MYBL2: variants seen among roughly 807,000 people sequenced by gnomAD.
MYBL2 encodes myb-related protein B.
A neutral mutation model predicts 79.9 loss-of-function variants in MYBL2; 28 were observed. The observed-to-expected ratio is 0.35, with a 90% CI of 0.26 to 0.48. The LOEUF is 0.48. Among genes scored for constraint, MYBL2 ranks in the 20% least tolerant of loss-of-function variants. The probability of loss-of-function intolerance (pLI) is 0.99; values close to 1 mark genes in which losing one functional copy is unlikely to be tolerated. For missense variants in MYBL2, 735 were observed against 893.9 expected (o/e 0.82, Z 2.27); for synonymous variants, 378 against 361.2 (o/e 1.05, Z -0.53).
At chr20:43,685,079 G>A (rs555350803) in intron 4 of MYBL2, among the ~76,000 whole-genome samples, 2 of 151,148 alleles carry the variant, frequency 1.3e-5, no homozygotes, top group South Asian at 2.1e-4. Context: ...GTGGGGAGGC[G>A]GAGGTTGCAG....
chr20:43,700,299 G>A (rs1465745619), intron 7 of MYBL2, among the ~76,000 whole-genome samples: 2 of 152,170 alleles, frequency 1.3e-5, no homozygotes, highest in Non-Finnish European at 2.9e-5. Context: ...ACAGGGCGGG[G>A]TGGGAAGGCT....
At chr20:43,715,375 C>A in intron 13 of MYBL2, 92 bp downstream of exon 13, 2 of 1,573,048 alleles carry the variant, frequency 1.3e-6, no homozygotes, top group Non-Finnish European at 1.7e-6. Flanking sequence ...CCTGCAGTGC[C>A]CGCCTTCTTA....
intron 6 of MYBL2, among the ~76,000 whole-genome samples, chr20:43,696,243 CT>C (rs111933419): frequency 0.018 from 2,623 of 144,596 alleles, 73 homozygotes; most frequent in African/African-American, 0.059. Flanking sequence ...CTCATCTCAA[CT>C]TTTTTTTTTT....
At chr20:43,688,741 C>A (rs111323900) in intron 5 of MYBL2, among the ~76,000 whole-genome samples, 7 of 152,306 alleles carry the variant, frequency 4.6e-5, no homozygotes, top group African/African-American at 1.7e-4. Flanking sequence ...CCACACCTGG[C>A]CTGGCACCCT....
rs555778974 is a variant in MYBL2, at chr20:43,715,270, C to T, written c.1961C>T (p.Thr654Met). 4.3e-5 allele frequency: 70 copies of T among 1,614,218 alleles called. 2 individuals are homozygous for T. In the South Asian group the frequency reaches 5.2e-4, roughly 12 times the overall value. ...AVAQKPRSHF[T>M]TPAPMSSAWK... ...GCCCAGAAGCCCCGAAGCCACTTCA[C>T]GACACCTGCCCCTGTGAGTGCTGTG... Residue 654 changes from threonine to methionine, a missense_variant, in exon 13 of 14, where the codon ACG (threonine) becomes ATG (methionine). This residue lies in a region of MYBL2 where 204 missense variants were observed against 202.9 expected (regional missense o/e 1.01). Transcript: ENST00000217026.
At chr20:43,679,912 CA>C (rs3092365) in intron 2 of MYBL2, among the ~76,000 whole-genome samples, 116,199 of 144,292 alleles carry the variant, frequency 0.81, 46,957 homozygotes, top group Non-Finnish European at 0.87. Context: ...GACCCTATCT[CA>C]AAAAAAAAAA....
intron 3 of MYBL2, among the ~76,000 whole-genome samples, chr20:43,682,420 T>G (rs535227172): frequency 2.0e-5 from 3 of 152,346 alleles, no homozygotes; most frequent in African/African-American, 7.2e-5. Context: ...GATCCTTTCC[T>G]GCCCCATTTC....
At chr20:43,672,019 C>A (rs1485205563) in intron 1 of MYBL2, among the ~76,000 whole-genome samples, 1 of 150,114 alleles carries the variant, frequency 6.7e-6, no homozygotes, top group Non-Finnish European at 1.5e-5. Context: ...ACCAGCCTGG[C>A]CAAGATGGTG....
chr20:43,710,158 C>A, intron 10 of MYBL2, 96 bp downstream of exon 10: 1 of 956,088 alleles, frequency 1.0e-6, no homozygotes. Context: ...CCTCTGAGGT[C>A]TCATTTGATT....
intron 5 of MYBL2, among the ~76,000 whole-genome samples, chr20:43,687,764 C>G (rs1480284351): frequency 1.3e-5 from 2 of 152,080 alleles, no homozygotes; most frequent in Non-Finnish European, 2.9e-5. Flanking sequence ...GCCTGTAATC[C>G]TAGCACGTTG....
In MYBL2 at chr20:43,702,913, C is replaced by G; in HGVS notation, c.1365+10C>G. The G allele has an allele frequency of 1.3e-6, 2 of 1,576,474 alleles. No individual in the cohort carries two copies. The highest frequency in any genetic ancestry group is 2.3e-5 in the South Asian group (2 of 86,308). On this transcript the variant is annotated intron_variant, in intron 8 of 13. Transcript: ENST00000217026. ...CTTCTCGCCCTCCCAGGTGCGTGGA[C>G]CCCACTCTGGCTGCTTATTGGGTCG...
At chr20:43,688,664 G>A (rs941817340) in intron 5 of MYBL2, among the ~76,000 whole-genome samples, 1 of 152,122 alleles carries the variant, frequency 6.6e-6, no homozygotes, top group African/African-American at 2.4e-5. Context: ...AAAATTTTTT[G>A]TAGGGGCAGG....
At chr20:43,670,285 C>G (rs1180442585) in intron 1 of MYBL2, among the ~76,000 whole-genome samples, 1 of 152,130 alleles carries the variant, frequency 6.6e-6, no homozygotes, top group Non-Finnish European at 1.5e-5. Flanking sequence ...GATTTTAAAG[C>G]CAACTTCATT....
chr20:43,697,094 C>T (rs945776085), intron 6 of MYBL2, among the ~76,000 whole-genome samples: 1 of 150,156 alleles, frequency 6.7e-6, no homozygotes, highest in African/African-American at 2.5e-5. Context: ...TAAGCATTGC[C>T]GAATTGCTGC....
chr20:43,671,973 G>C (rs937282596), intron 1 of MYBL2, among the ~76,000 whole-genome samples: 3 of 151,886 alleles, frequency 2.0e-5, no homozygotes, highest in Non-Finnish European at 4.4e-5. Flanking sequence ...CCGTTGGGAG[G>C]CCAAGGCGGG....
At chr20:43,676,941 G>A (rs1381995812) in intron 2 of MYBL2, among the ~76,000 whole-genome samples, 1 of 151,648 alleles carries the variant, frequency 6.6e-6, no homozygotes, top group Non-Finnish European at 1.5e-5. Context: ...TAGAGAAGAG[G>A]GTCTTGCTAT....
At position 43,715,339 on chromosome 20, in the gene MYBL2, G is replaced by A. The variant is rs538386257; in HGVS notation, c.1974+56G>A. The A allele has an allele frequency of 6.2e-5, 99 of 1,608,538 alleles. No individual in the cohort carries two copies. The African/African-American group carries it at 9.9e-4, about 16-fold the overall frequency. On this transcript the variant is annotated intron_variant, in intron 13 of 13. Coordinates refer to ENST00000217026, the MANE Select transcript of MYBL2 (RefSeq NM_002466.4). ...GCAGTGCCCGCCTTCTTAGCTCAGGGCTGAGTGCTGGCCATCCCTGGGGGT... is the reference window on the plus strand; with the variant it reads ...GCAGTGCCCGCCTTCTTAGCTCAGGACTGAGTGCTGGCCATCCCTGGGGGT...
rs774317398 is a variant in MYBL2 at position 43,713,112 on chromosome 20, G to C, written c.1824+6G>C. The stretch of plus-strand genomic sequence containing the variant: ...TGCCCAAGTCTCTATCCTTGGTAAG[G>C]CTTCTGCTCCTTGGAACTGTTGAGT... On this transcript the variant is annotated splice_donor_region_variant and intron_variant, in intron 12 of 13. Transcript: ENST00000217026. 6.2e-7 allele frequency: 1 copy of C among 1,608,326 alleles called. No homozygotes were observed. The highest frequency in any genetic ancestry group is 8.5e-7 in the Non-Finnish European group (1 of 1,176,578).
intron 11 of MYBL2, among the ~76,000 whole-genome samples, chr20:43,712,138 G>C (rs572361792): frequency 6.6e-6 from 1 of 152,094 alleles, no homozygotes; most frequent in South Asian, 2.1e-4. Context: ...GGGCTCCTGG[G>C]CAGGGGGGCA....
Sources: gnomAD v4.1 joint callset for allele counts (sites outside exome capture counted in the v4.1 genomes callset) on GRCh38, gnomAD v4.1.1 for gene constraint, gnomAD v4.1.1 regional missense constraint, MANE v1.5 for transcripts, NCBI Gene and HGNC (gene_info 2026-07-23, HGNC 2026-07-21) for gene names.